SEMA4B: variants seen among roughly 807,000 people sequenced by gnomAD.
SEMA4B encodes semaphorin 4B, also known as semaphorin-4B.
In SEMA4B, 55 loss-of-function variants were observed where a neutral mutation model predicts 88.1. The ratio of observed to expected loss-of-function variants is 0.62; its 90% CI spans 0.50 to 0.78. The LOEUF (loss-of-function observed/expected upper bound fraction) is 0.78, where lower values mean the gene tolerates loss of function less well. Ranked by LOEUF, SEMA4B falls within the 30% of genes least tolerant of loss-of-function variation. The pLI, the probability that SEMA4B is intolerant of heterozygous loss-of-function variation, is 0.00. For missense variants in SEMA4B, 1,062 were observed against 1,111.9 expected, an observed-to-expected ratio of 0.96 and a Z score of 0.64; for synonymous variants, 525 against 473.6, an observed-to-expected ratio of 1.11 and a Z score of -1.41.
At chr15:90,206,893 A>G (rs1961018654) in intron 1 of SEMA4B, 1 of 704,408 alleles carries the variant, frequency 1.4e-6, no homozygotes, top group Non-Finnish European at 2.6e-6. Flanking sequence ...TTGCAGTTGT[A>G]TAGTAGTTAA....
At chr15:90,195,967 T>A (rs1287938884) in intron 1 of SEMA4B, among the ~76,000 whole-genome samples, 2 of 144,886 alleles carry the variant, frequency 1.4e-5, no homozygotes, top group African/African-American at 5.3e-5. Flanking sequence ...GTCACCAGGC[T>A]GGAGTGCAGT....
upstream of SEMA4B, chr15:90,201,260 G>T (rs1960699892): frequency 9.6e-7 from 1 of 1,039,828 alleles, no homozygotes; most frequent in Non-Finnish European, 1.2e-6. Flanking sequence ...CGCCCGGGAA[G>T]GAGGAAGGGG....
intron 1 of SEMA4B, among the ~76,000 whole-genome samples, chr15:90,214,571 T>C (rs1961436661): frequency 7.1e-6 from 1 of 141,382 alleles, no homozygotes; most frequent in Admixed American, 7.6e-5. Flanking sequence ...AGGCGGAGGT[T>C]GCGGTGAGCC....
At chr15:90,222,719 C>A (rs1343293261) in intron 7 of SEMA4B, among the ~76,000 whole-genome samples, 2 of 152,094 alleles carry the variant, frequency 1.3e-5, no homozygotes, top group African/African-American at 4.8e-5. Flanking sequence ...AAGTCCCTCA[C>A]CCCCTCGGTT....
At chr15:90,199,388 T>A (rs1326732537), upstream of SEMA4B, among the ~76,000 whole-genome samples, 1 of 152,172 alleles carries the variant, frequency 6.6e-6, no homozygotes, top group Non-Finnish European at 1.5e-5. Flanking sequence ...CTGAGGGTTT[T>A]GGCCTGAGCA....
chr15:90,218,331 C>T (rs1961636350), intron 3 of SEMA4B, among the ~76,000 whole-genome samples: 1 of 152,182 alleles, frequency 6.6e-6, no homozygotes, highest in African/African-American at 2.4e-5. Flanking sequence ...GCCTCCTGCT[C>T]CTGCTCCTAA....
chr15:90,185,835 G>A (rs1960148514), intron 1 of SEMA4B, among the ~76,000 whole-genome samples: 1 of 151,392 alleles, frequency 6.6e-6, no homozygotes, highest in Admixed American at 6.6e-5. Flanking sequence ...GAAAACTGAA[G>A]CCAGAGAGAT....
intron 12 of SEMA4B, among the ~76,000 whole-genome samples, chr15:90,226,260 C>G (rs568353495): frequency 6.6e-6 from 1 of 152,168 alleles, no homozygotes; most frequent in Non-Finnish European, 1.5e-5. Context: ...TAGAGAGAAT[C>G]GCAGTGAGAT....
intron 1 of SEMA4B, among the ~76,000 whole-genome samples, chr15:90,213,686 G>T (rs532204094): frequency 6.6e-6 from 1 of 152,336 alleles, no homozygotes; most frequent in East Asian, 1.9e-4. Context: ...GCGGTCTGCT[G>T]CCCAGACTTA....
rs989872582 is a variant in SEMA4B, at chr15:90,212,612, C to T, written c.158-4827C>T. Among the ~76,000 whole-genome samples, 7 of 151,718 alleles carry T rather than the reference C, an allele frequency of 4.6e-5. No homozygotes were observed. Among genetic ancestry groups the T allele is most frequent in the Middle Eastern group, 3.4e-3 (1 of 294 alleles). ...CACAAAGAGCACCTAGGAGTGAGTGCGCAAGCGTGGACAAGCCCTGCGGTA... is the reference window on the plus strand; with the variant it reads ...CACAAAGAGCACCTAGGAGTGAGTGTGCAAGCGTGGACAAGCCCTGCGGTA... On this transcript the variant is annotated intron_variant, in intron 1 of 13. Transcript: ENST00000411539. This position sits in a 1 kb window ranked among gnomAD's most constrained non-coding sequence, Gnocchi z 4.0.
intron 1 of SEMA4B, among the ~76,000 whole-genome samples, chr15:90,188,607 G>A (rs1339052450): frequency 2.0e-5 from 3 of 151,946 alleles, no homozygotes; most frequent in Non-Finnish European, 2.9e-5. Context: ...CAGCCTGGAC[G>A]ACAGAACAAG....
At chr15:90,214,916 C>T in intron 1 of SEMA4B, 1 of 1,170,528 alleles carries the variant, frequency 8.5e-7, no homozygotes, top group Non-Finnish European at 1.1e-6. Context: ...CTTCATGTCT[C>T]CCCACCCTTT....
At chr15:90,215,101 T>A in intron 1 of SEMA4B, 1 of 634,118 alleles carries the variant, frequency 1.6e-6, no homozygotes, top group East Asian at 1.1e-4. Flanking sequence ...GTCAGGGTGC[T>A]GCTCTTTGCT....
Position 90,201,747 on chromosome 15 carries a change from G to C in SEMA4B, c.157+12G>C. On this transcript the variant is annotated intron_variant, in intron 1 of 13. Transcript: ENST00000411539. ...CAGCCTGCCTCTGGGTGAGTGCCGG[G>C]GACCCGGGGACGCGGGCCGGGGGAA... 1.4e-6 allele frequency: 2 copies of C among 1,395,250 alleles called. No individual in the cohort carries two copies. Among genetic ancestry groups the C allele is most frequent in the Non-Finnish European group, 1.9e-6 (2 of 1,077,934 alleles). 86.4% of individuals were successfully genotyped at this position (1,395,250 alleles called of 1,614,324 possible). A position where few individuals can be genotyped will look rare whatever the true frequency, so the allele number is the denominator to read the frequency against.
chr15:90,222,359 C>T (rs1961906360), intron 7 of SEMA4B, among the ~76,000 whole-genome samples: 1 of 149,628 alleles, frequency 6.7e-6, no homozygotes, highest in African/African-American at 2.5e-5. Flanking sequence ...CACCTGAGGT[C>T]AGGAGTTTGA....
chr15:90,198,967 C>T (rs1041839119), upstream of SEMA4B, among the ~76,000 whole-genome samples: 5 of 152,016 alleles, frequency 3.3e-5, no homozygotes, highest in Non-Finnish European at 5.9e-5. Context: ...TCCCAGGCCC[C>T]GGTTCAAGCA....
chr15:90,193,320 G>A (rs1960401883), intron 1 of SEMA4B: 1 of 152,204 alleles, frequency 6.6e-6, no homozygotes, highest in Admixed American at 6.6e-5. Flanking sequence ...GAACACATCA[G>A]CACACTAACG....
In SEMA4B at chr15:90,201,711, A is replaced by AGCCC; in HGVS notation, c.134_137dup (p.Arg47ProfsTer10). 1 of 1,493,176 alleles carries AGCCC rather than the reference A, an allele frequency of 6.7e-7. No individual in the cohort carries two copies. Among genetic ancestry groups the AGCCC allele is most frequent in the Non-Finnish European group, 8.9e-7 (1 of 1,126,852 alleles). The allele number at this position is 1,493,176 out of a possible 1,614,324, so 92.5% of individuals were successfully genotyped here. A position where few individuals can be genotyped will look rare whatever the true frequency, so the allele number is the denominator to read the frequency against. On this transcript the variant is annotated frameshift_variant, in exon 1 of 14. Coordinates refer to ENST00000411539, the MANE Select transcript of SEMA4B (RefSeq NM_198925.4). LOFTEE classifies it high-confidence loss of function. The stretch of plus-strand genomic sequence containing the variant: ...GCCGCCGCCTCCGACCTGGGCGCTC[A>AGCCC]GCCCCCGGATCAGCCTGCCTCTGGG...
chr15:90,214,274 G>A (rs1243127248), intron 1 of SEMA4B, among the ~76,000 whole-genome samples: 1 of 150,674 alleles, frequency 6.6e-6, no homozygotes, highest in Non-Finnish European at 1.5e-5. Flanking sequence ...AACCTGAGAG[G>A]TGTAGGTTGC....
Sources: gnomAD v4.1 joint callset for allele counts (sites outside exome capture counted in the v4.1 genomes callset) on GRCh38, gnomAD v4.1.1 for gene constraint, Gnocchi (gnomAD v3.1) non-coding constraint, MANE v1.5 for transcripts, NCBI Gene and HGNC (gene_info 2026-07-23, HGNC 2026-07-21) for gene names.